Variants in SLC22A14 observed in about 807,000 individuals in gnomAD.
SLC22A14 encodes organic cation transporter-like 4.
In SLC22A14, 50 loss-of-function variants were observed where a neutral mutation model predicts 53.9. That is an observed-to-expected ratio of 0.93 (90% confidence interval 0.74 to 1.17). The LOEUF (loss-of-function observed/expected upper bound fraction) is 1.17, where lower values mean the gene tolerates loss of function less well. Ranked by LOEUF, SLC22A14 falls within the 50% of genes most tolerant of loss-of-function variation. The probability of loss-of-function intolerance (pLI) is 0.00; values close to 1 mark genes in which losing one functional copy is unlikely to be tolerated. For missense variants in SLC22A14, 671 were observed against 734.7 expected (o/e 0.91, Z 1.00); for synonymous variants, 312 against 303.0 (o/e 1.03, Z -0.31).
Position 38,313,804 on chromosome 3 carries a change from T to G in SLC22A14, c.1241T>G (p.Val414Gly), listed in dbSNP as rs201019471. Residue 414 changes from valine to glycine, a missense_variant, in exon 8 of 11, where the codon GTG becomes GGG. Val to Gly is a moderately radical substitution (Grantham distance 109). Transcript: ENST00000448498. The stretch of plus-strand genomic sequence containing the variant: ...GGCGTGAGCGTCCACTTCAGACACG[T>G]GGTCCCCAGCATCATGGAGGTGCCT... Reference protein sequence around the residue: ...ELGVSVHFRHVVPSIMEVPAR... With the variant: ...ELGVSVHFRHGVPSIMEVPAR... 8 of 1,613,638 alleles carry G rather than the reference T, an allele frequency of 5.0e-6. No homozygotes were observed. The Admixed American group carries it at 1.3e-4, about 27-fold the overall frequency.
At chr3:38,299,303 C>A (rs1456587374) in intron 1 of SLC22A14, among the ~76,000 whole-genome samples, 1 of 152,156 alleles carries the variant, frequency 6.6e-6, no homozygotes, top group African/African-American at 2.4e-5. Flanking sequence ...CCGTCTACCC[C>A]ATTCCATTCC....
chr3:38,312,894 A>G, intron 5 of SLC22A14, 105 bp from the exon 6 acceptor site: 2 of 1,448,462 alleles, frequency 1.4e-6, no homozygotes, highest in South Asian at 2.5e-5. Flanking sequence ...CATCTGAATC[A>G]CCTCATGCTG....
chr3:38,299,341 C>G (rs1051798628), intron 1 of SLC22A14, among the ~76,000 whole-genome samples: 1 of 152,200 alleles, frequency 6.6e-6, no homozygotes. Context: ...TTCCCACCCA[C>G]TCACCCTCAG....
intron 1 of SLC22A14, among the ~76,000 whole-genome samples, chr3:38,302,261 T>C (rs866618224): frequency 4.7e-4 from 33 of 70,080 alleles, no homozygotes; most frequent in Middle Eastern, 6.3e-3. Context: ...TATATATACA[T>C]ATATATATTT....
intron 1 of SLC22A14, among the ~76,000 whole-genome samples, chr3:38,292,680 T>C (rs1415085750): frequency 6.6e-6 from 1 of 152,080 alleles, no homozygotes; most frequent in Admixed American, 6.6e-5. Flanking sequence ...GGACGGGAAT[T>C]CTTTGCTTGT....
chr3:38,309,153 G>T, intron 5 of SLC22A14, 31 bp downstream of exon 5: 1 of 1,592,754 alleles, frequency 6.3e-7, no homozygotes, highest in South Asian at 1.1e-5. Flanking sequence ...CATGTACAGG[G>T]CTGGGTCTGA....
intron 1 of SLC22A14, among the ~76,000 whole-genome samples, chr3:38,304,082 T>A (rs1486723964): frequency 1.3e-5 from 2 of 151,614 alleles, no homozygotes; most frequent in East Asian, 3.9e-4. Context: ...TCCCACCTAC[T>A]TGGGAGGCTG....
chr3:38,284,848 T>C (rs1278178264), intron 1 of SLC22A14, among the ~76,000 whole-genome samples: 1 of 152,142 alleles, frequency 6.6e-6, no homozygotes, highest in Non-Finnish European at 1.5e-5. Context: ...CCAATGCTGC[T>C]GGTGGGACTG....
rs780526659 is a variant in SLC22A14 at position 38,307,521 on chromosome 3, C to T, written c.621-45C>T. 6.9e-5 allele frequency: 110 copies of T among 1,604,646 alleles called. No homozygotes were observed. Among genetic ancestry groups the T allele is most frequent in the Admixed American group, 2.5e-4 (15 of 59,664 alleles). The stretch of plus-strand genomic sequence containing the variant: ...CAGGTGTATCCGGCTGGGGCCAGCC[C>T]GGGAGATCCCGGCACTTGGTGCAGC... On this transcript the variant is annotated intron_variant, in intron 3 of 10. Coordinates refer to ENST00000448498, the MANE Select transcript of SLC22A14 (RefSeq NM_001320033.2). This position sits in a 1 kb window ranked among gnomAD's most constrained non-coding sequence, Gnocchi z 4.4.
At chr3:38,306,744 G>T (rs1374112301) in intron 2 of SLC22A14, among the ~76,000 whole-genome samples, 2 of 152,222 alleles carry the variant, frequency 1.3e-5, no homozygotes, top group South Asian at 2.1e-4. Flanking sequence ...TACATTTGGG[G>T]TAGAGATGGG....
intron 1 of SLC22A14, among the ~76,000 whole-genome samples, chr3:38,298,009 G>T (rs1013531882): frequency 4.6e-5 from 7 of 152,054 alleles, no homozygotes; most frequent in African/African-American, 1.4e-4. Flanking sequence ...ATTACTGCGG[G>T]ATTCTACAGT....
At chr3:38,298,976 C>A (rs762339744) in intron 1 of SLC22A14, among the ~76,000 whole-genome samples, 1 of 152,160 alleles carries the variant, frequency 6.6e-6, no homozygotes, top group Admixed American at 6.5e-5. Flanking sequence ...TCCATCTCTG[C>A]GAGAAACAAA....
chr3:38,315,165 C>T (rs1704584592), intron 8 of SLC22A14, among the ~76,000 whole-genome samples: 1 of 152,264 alleles, frequency 6.6e-6, no homozygotes, highest in Non-Finnish European at 1.5e-5. Flanking sequence ...TTGCAGAGCC[C>T]CGGTGGTACA....
At chr3:38,292,520 G>A (rs928939302) in intron 1 of SLC22A14, among the ~76,000 whole-genome samples, 3 of 152,084 alleles carry the variant, frequency 2.0e-5, no homozygotes, top group Non-Finnish European at 4.4e-5. Context: ...TCCTAAAATT[G>A]GAGTATTGCA....
At chr3:38,285,128 A>G (rs1158224964) in intron 1 of SLC22A14, among the ~76,000 whole-genome samples, 2 of 152,190 alleles carry the variant, frequency 1.3e-5, no homozygotes, top group Non-Finnish European at 2.9e-5. Flanking sequence ...TAACATGATC[A>G]ATGTGAAGAT....
intron 1 of SLC22A14, among the ~76,000 whole-genome samples, chr3:38,284,479 G>A (rs931090183): frequency 3.3e-5 from 5 of 152,226 alleles, no homozygotes; most frequent in Non-Finnish European, 5.9e-5. Context: ...AAGGGCCCCT[G>A]GTGTCCCAGC....
At chr3:38,288,557 C>A (rs1195359771) in intron 1 of SLC22A14, among the ~76,000 whole-genome samples, 3 of 152,110 alleles carry the variant, frequency 2.0e-5, no homozygotes, top group African/African-American at 7.2e-5. Context: ...CAAAAGGGTT[C>A]GAATTTCTCC....
rs560422967 is a variant in SLC22A14, at chr3:38,315,833, A to G, written c.1532+122A>G. On this transcript the variant is annotated intron_variant, in intron 9 of 10. Transcript: ENST00000448498. ...ACAAGCACTGTGCTAAACAGTTTACATAAGTGATCTCATTTAAACACCACC... is the reference window on the plus strand; with the variant it reads ...ACAAGCACTGTGCTAAACAGTTTACGTAAGTGATCTCATTTAAACACCACC... 1.1e-5 allele frequency: 11 copies of G among 1,030,062 alleles called. 1 individual carries two copies. In the South Asian group the frequency reaches 1.2e-4, roughly 11 times the overall value. 63.8% of individuals were successfully genotyped at this position (1,030,062 alleles called of 1,614,324 possible).
chr3:38,285,167 C>T (rs556534454), intron 1 of SLC22A14, among the ~76,000 whole-genome samples: 31 of 152,260 alleles, frequency 2.0e-4, no homozygotes, highest in African/African-American at 7.2e-4. Flanking sequence ...ATACTAAGAG[C>T]AAGTAGTAGC....
Sources: gnomAD v4.1 joint callset for allele counts (sites outside exome capture counted in the v4.1 genomes callset) on GRCh38, gnomAD v4.1.1 for gene constraint, Gnocchi (gnomAD v3.1) non-coding constraint, MANE v1.5 for transcripts, NCBI Gene and HGNC (gene_info 2026-07-23, HGNC 2026-07-21) for gene names.